TMEM17: variants seen among roughly 807,000 people sequenced by gnomAD.
TMEM17 encodes the protein transmembrane protein 17.
Under a neutral mutation model 19.1 loss-of-function variants are expected in TMEM17, and 15 were observed. The ratio of observed to expected loss-of-function variants is 0.78; its 90% CI spans 0.52 to 1.21. The LOEUF (loss-of-function observed/expected upper bound fraction) is 1.21. Among genes scored for constraint, TMEM17 ranks in the 50% most tolerant of loss-of-function variants. TMEM17 has a pLI of 0.00. For synonymous variants in TMEM17, 103 were observed against 86.9 expected, an observed-to-expected ratio of 1.19 and a Z score of -1.03; for missense variants, 245 against 242.3, an observed-to-expected ratio of 1.01 and a Z score of -0.07.
chr2:62,465,435 AC>A, the TMEM17 span, among the ~76,000 whole-genome samples: 3 of 152,312 alleles, frequency 2.0e-5, no homozygotes, highest in East Asian at 5.8e-4. Flanking sequence ...TATTTTTCCA[AC>A]TTTTCTGTAA....
chr2:62,458,639 A>G, the TMEM17 span, among the ~76,000 whole-genome samples: 2 of 152,194 alleles, frequency 1.3e-5, no homozygotes, highest in Non-Finnish European at 2.9e-5. Context: ...GGCGATTCAG[A>G]CCGTGAATGC....
At chr2:62,505,640 G>A (rs2103737265) in intron 1 of TMEM17, among the ~76,000 whole-genome samples, 1 of 152,350 alleles carries the variant, frequency 6.6e-6, no homozygotes, top group African/African-American at 2.4e-5. Flanking sequence ...GGGCGCCGCA[G>A]AGGCAAAACA....
chr2:62,480,277 C>T, the TMEM17 span, among the ~76,000 whole-genome samples: 722 of 151,246 alleles, frequency 4.8e-3, 5 homozygotes, highest in African/African-American at 0.016. Flanking sequence ...TTTTTTTTTC[C>T]GTTGAGATAT....
At chr2:62,454,903 A>G in the TMEM17 span, among the ~76,000 whole-genome samples, 1 of 152,120 alleles carries the variant, frequency 6.6e-6, no homozygotes, top group Non-Finnish European at 1.5e-5. Context: ...ACAGGGTTTC[A>G]CTGTGTTAGC....
At chr2:62,466,082 A>C in the TMEM17 span, among the ~76,000 whole-genome samples, 3 of 152,204 alleles carry the variant, frequency 2.0e-5, no homozygotes, top group African/African-American at 7.2e-5. Flanking sequence ...AGGGGTCCCC[A>C]CTACCCTGCA....
chr2:62,466,078 C>T, the TMEM17 span, among the ~76,000 whole-genome samples: 2 of 152,210 alleles, frequency 1.3e-5, no homozygotes, highest in East Asian at 3.9e-4. Context: ...CAGGAGGGGT[C>T]CCCACTACCC....
intron 1 of TMEM17, 77 bp downstream of exon 1, chr2:62,505,953 G>A (rs1680059288): frequency 2.2e-6 from 3 of 1,359,400 alleles, no homozygotes; most frequent in Non-Finnish European, 3.1e-6. Flanking sequence ...TTAGGTACGG[G>A]CAAATTCTGG....
the TMEM17 span, among the ~76,000 whole-genome samples, chr2:62,490,432 A>G: frequency 1.4e-3 from 220 of 151,984 alleles, no homozygotes; most frequent in African/African-American, 5.0e-3. Context: ...ACTGGTTAAT[A>G]TTTTTATTTT....
At chr2:62,482,932 G>A in the TMEM17 span, among the ~76,000 whole-genome samples, 2 of 152,216 alleles carry the variant, frequency 1.3e-5, no homozygotes, top group Non-Finnish European at 2.9e-5. Flanking sequence ...CAGAAGAGGA[G>A]TATTGTAAGG....
At chr2:62,456,184 A>G in the TMEM17 span, among the ~76,000 whole-genome samples, 1 of 152,252 alleles carries the variant, frequency 6.6e-6, no homozygotes, top group Non-Finnish European at 1.5e-5. Context: ...AATTGCCACA[A>G]ACTTGGTGGC....
the TMEM17 span, among the ~76,000 whole-genome samples, chr2:62,487,377 T>C: frequency 2.0e-5 from 3 of 152,194 alleles, no homozygotes; most frequent in African/African-American, 7.2e-5. Context: ...CATCGGATAA[T>C]CCAAGATACT....
chr2:62,489,482 G>A, the TMEM17 span, among the ~76,000 whole-genome samples: 45 of 152,190 alleles, frequency 3.0e-4, no homozygotes, highest in Non-Finnish European at 4.3e-4. Flanking sequence ...TCCTGCGATT[G>A]GAGTAGGCAT....
the TMEM17 span, among the ~76,000 whole-genome samples, chr2:62,469,336 C>T: frequency 2.3e-3 from 348 of 152,328 alleles, 8 homozygotes; most frequent in East Asian, 0.057. Flanking sequence ...GACCCCGTCA[C>T]ATGTGTGATC....
At chr2:62,458,321 A>G in the TMEM17 span, among the ~76,000 whole-genome samples, 5 of 152,170 alleles carry the variant, frequency 3.3e-5, no homozygotes, top group African/African-American at 1.2e-4. Context: ...CAGCTGACAG[A>G]CCTATCTACA....
chr2:62,493,105 C>T, the TMEM17 span, among the ~76,000 whole-genome samples: 2 of 152,202 alleles, frequency 1.3e-5, no homozygotes, highest in Admixed American at 1.3e-4. Context: ...TCACAGCTCA[C>T]TGTAGTCTCA....
Position 62,500,977 on chromosome 2 carries a change from C to A in TMEM17, c.*232G>T, listed in dbSNP as rs1016645835. 6 of 379,268 alleles carry A rather than the reference C, an allele frequency of 1.6e-5. No homozygotes were observed. The highest frequency in any genetic ancestry group is 7.1e-4 in the Middle Eastern group (1 of 1,410). 23.5% of individuals were successfully genotyped at this position (379,268 alleles called of 1,614,324 possible). On this transcript the variant is annotated 3_prime_UTR_variant, in exon 4 of 4. Transcript: ENST00000335390. ...ACACTCCTGAAAAAGACAACAACAT[C>A]AAAAAAAATTAAGAAATTTGGCATC...
the TMEM17 span, among the ~76,000 whole-genome samples, chr2:62,473,713 A>G: frequency 6.6e-6 from 1 of 152,188 alleles, no homozygotes. Flanking sequence ...CAGCCTCAGG[A>G]ATACCAGGAC....
At chr2:62,458,248 C>CAT in the TMEM17 span, among the ~76,000 whole-genome samples, 2 of 152,310 alleles carry the variant, frequency 1.3e-5, no homozygotes, top group South Asian at 2.1e-4. Context: ...AGCTGATGGG[C>CAT]ATAGGTGTGT....
chr2:62,502,369 C>T, intron 3 of TMEM17, 68 bp downstream of exon 3: 1 of 1,102,520 alleles, frequency 9.1e-7, no homozygotes, highest in Non-Finnish European at 1.4e-6. Context: ...CACCTCACTG[C>T]CTTTTACTTG....
Sources: gnomAD v4.1 joint callset for allele counts (sites outside exome capture counted in the v4.1 genomes callset) on GRCh38, gnomAD v4.1.1 for gene constraint, MANE v1.5 for transcripts, NCBI Gene and HGNC (gene_info 2026-07-23, HGNC 2026-07-21) for gene names.